The following TRAPPC9 variants were observed in gnomAD, a reference collection of about 807,000 sequenced individuals.
The protein encoded by TRAPPC9 is IKK2 binding protein.
A neutral mutation model predicts 124.0 loss-of-function variants in TRAPPC9; 83 were observed. That is an observed-to-expected ratio of 0.67 (90% confidence interval 0.56 to 0.80). The LOEUF (loss-of-function observed/expected upper bound fraction) is 0.80. Among genes scored for constraint, TRAPPC9 ranks in the 30% least tolerant of loss-of-function variants. The probability of loss-of-function intolerance (pLI) is 0.00; values close to 1 mark genes in which losing one functional copy is unlikely to be tolerated. For missense variants in TRAPPC9, 1,302 were observed against 1,508.3 expected (o/e 0.86, Z 2.27); for synonymous variants, 638 against 617.5 (o/e 1.03, Z -0.49).
intron 21 of TRAPPC9, among the ~76,000 whole-genome samples, chr8:139,823,856 G>A (rs1825436706): frequency 6.6e-6 from 1 of 152,202 alleles, no homozygotes; most frequent in African/African-American, 2.4e-5. Flanking sequence ...GCGGCCACAT[G>A]ATGGTGTTCA....
At chr8:140,189,213 A>T (rs2062424517) in intron 17 of TRAPPC9, among the ~76,000 whole-genome samples, 1 of 152,218 alleles carries the variant, frequency 6.6e-6, no homozygotes, top group African/African-American at 2.4e-5. Flanking sequence ...TATTTGCTGA[A>T]AGAATGCTGG....
At chr8:139,866,096 T>C (rs56935343) in intron 21 of TRAPPC9, among the ~76,000 whole-genome samples, 2 of 97,962 alleles carry the variant, frequency 2.0e-5, no homozygotes, top group African/African-American at 2.8e-5. Flanking sequence ...AGACCTGGGA[T>C]CAAAGGAATG....
At chr8:139,936,453 G>A (rs73725328) in intron 19 of TRAPPC9, among the ~76,000 whole-genome samples, 15,938 of 152,244 alleles carry the variant, frequency 0.1, 1,747 homozygotes, top group African/African-American at 0.28. Flanking sequence ...ATGCGGAGCT[G>A]TGGCAGACGC....
Position 139,788,401 on chromosome 8 carries a change from T to C in TRAPPC9, c.3056-56199A>G, listed in dbSNP as rs567174141. On this transcript the variant is annotated intron_variant, in intron 21 of 22. Coordinates refer to ENST00000438773, the MANE Select transcript of TRAPPC9 (RefSeq NM_001160372.4). The surrounding 1 kb of genome is among the most constrained non-coding windows in gnomAD (Gnocchi z 4.9). ...AGCCTGGCCTGTCAAAACTGTTAAC[T>C]ATCAGGCAGGGCAAGGATGGCGGCT... Among the ~76,000 whole-genome samples, 3 of 152,328 alleles carry C rather than the reference T, an allele frequency of 2.0e-5. No individual in the cohort carries two copies. The highest frequency in any genetic ancestry group is 3.9e-4 in the East Asian group (2 of 5,172).
chr8:139,967,312 C>A (rs1288719559), intron 19 of TRAPPC9, among the ~76,000 whole-genome samples: 1 of 151,288 alleles, frequency 6.6e-6, no homozygotes, highest in African/African-American at 2.5e-5. Context: ...AGAGCCAAAA[C>A]CAGGCTGCAA....
intron 21 of TRAPPC9, among the ~76,000 whole-genome samples, chr8:139,772,738 G>C (rs1304320621): frequency 6.6e-6 from 1 of 152,166 alleles, no homozygotes; most frequent in Non-Finnish European, 1.5e-5. Flanking sequence ...AAATTCCCAT[G>C]TTGAAGCCCT....
chr8:140,418,302 A>C (rs968126327), intron 5 of TRAPPC9, among the ~76,000 whole-genome samples: 1 of 152,096 alleles, frequency 6.6e-6, no homozygotes, highest in African/African-American at 2.4e-5. Context: ...AATTCTTCAT[A>C]AACTATTCCA....
chr8:139,804,184 ACCG>A (rs1339557915), intron 21 of TRAPPC9, among the ~76,000 whole-genome samples: 1 of 104,186 alleles, frequency 9.6e-6, no homozygotes, highest in African/African-American at 3.7e-5. Flanking sequence ...ACCACCCACC[ACCG>A]CCACCAAGCA....
intron 21 of TRAPPC9, among the ~76,000 whole-genome samples, chr8:139,761,485 G>A (rs1409211757): frequency 6.6e-6 from 1 of 152,122 alleles, no homozygotes; most frequent in African/African-American, 2.4e-5. Flanking sequence ...TGCGGTGTGC[G>A]CCAGTTCCCT....
intron 19 of TRAPPC9, among the ~76,000 whole-genome samples, chr8:139,972,349 T>C (rs1184451670): frequency 6.6e-6 from 1 of 152,192 alleles, no homozygotes; most frequent in Non-Finnish European, 1.5e-5. Context: ...AACAACAACA[T>C]TTGATACTTG....
In TRAPPC9 at chr8:140,387,855, C is replaced by G. The variant is rs569973488; in HGVS notation, c.1134+9765G>C. 2.4e-3 allele frequency among the ~76,000 whole-genome samples: 365 copies of G among 152,148 alleles called. 3 individuals carry two copies. The highest frequency in any genetic ancestry group is 4.1e-4 in the Non-Finnish European group (28 of 67,988). On this transcript the variant is annotated intron_variant, in intron 7 of 22. Transcript: ENST00000438773. ...TCTAGAACTAGAAATACCATTTGAC[C>G]CAGCCATACCACTACTGGGTATATA...
At chr8:139,956,737 G>A (rs140066213) in intron 19 of TRAPPC9, among the ~76,000 whole-genome samples, 13 of 152,302 alleles carry the variant, frequency 8.5e-5, no homozygotes, top group Non-Finnish European at 1.2e-4. Flanking sequence ...TCCCGGCTCC[G>A]CGTAGACTCG....
At chr8:140,282,192 G>A (rs2065344000) in intron 14 of TRAPPC9, among the ~76,000 whole-genome samples, 2 of 152,144 alleles carry the variant, frequency 1.3e-5, no homozygotes, top group Admixed American at 6.6e-5. Flanking sequence ...TCCATTAAGT[G>A]TTATTCGTAA....
chr8:140,249,074 T>TTACATGAGTA (rs1469414314), intron 16 of TRAPPC9, among the ~76,000 whole-genome samples: 2 of 152,218 alleles, frequency 1.3e-5, no homozygotes, highest in Non-Finnish European at 2.9e-5. Context: ...TTCAGGTTTG[T>TTACATGAGTA]TACATGAGTA....
chr8:140,417,271 C>A (rs1243939519), intron 5 of TRAPPC9, among the ~76,000 whole-genome samples: 1 of 152,174 alleles, frequency 6.6e-6, no homozygotes, highest in African/African-American at 2.4e-5. Context: ...TCAGAGTCAA[C>A]AGGCAACCTA....
At chr8:139,980,338 T>C (rs968253585) in intron 19 of TRAPPC9, among the ~76,000 whole-genome samples, 4 of 152,102 alleles carry the variant, frequency 2.6e-5, no homozygotes, top group Non-Finnish European at 5.9e-5. Flanking sequence ...TTTCTCTGCC[T>C]CCACTCTCAA....
chr8:140,270,396 C>T (rs1273104664), intron 15 of TRAPPC9, among the ~76,000 whole-genome samples: 3 of 152,216 alleles, frequency 2.0e-5, no homozygotes, highest in Admixed American at 6.5e-5. Context: ...GCCTCATTCT[C>T]GAAATGCGGC....
chr8:140,147,482 C>G (rs1186244662), intron 17 of TRAPPC9, among the ~76,000 whole-genome samples: 1 of 152,208 alleles, frequency 6.6e-6, no homozygotes, highest in Non-Finnish European at 1.5e-5. Context: ...GAAAGGTGAG[C>G]TGGCCGTGTC....
At chr8:140,045,125 G>A (rs567078159) in intron 17 of TRAPPC9, among the ~76,000 whole-genome samples, 40 of 152,300 alleles carry the variant, frequency 2.6e-4, no homozygotes, top group Non-Finnish European at 5.0e-4. Context: ...CAGCAGAGAT[G>A]GAGAGGAAAA....
Sources: gnomAD v4.1 joint callset for allele counts (sites outside exome capture counted in the v4.1 genomes callset) on GRCh38, gnomAD v4.1.1 for gene constraint, Gnocchi (gnomAD v3.1) non-coding constraint, MANE v1.5 for transcripts, NCBI Gene and HGNC (gene_info 2026-07-23, HGNC 2026-07-21) for gene names.